The following PGR variants were observed in gnomAD, a reference collection of about 807,000 sequenced individuals.
The protein encoded by PGR is nuclear receptor subfamily 3 group C member 3.
In PGR, 25 loss-of-function variants were observed where a neutral mutation model predicts 76.1. That is an observed-to-expected ratio of 0.33 (90% CI 0.24 to 0.46). PGR has a LOEUF of 0.46. Ranked by LOEUF, PGR falls within the 20% of genes least tolerant of loss-of-function variation. PGR has a pLI of 1.00. For synonymous variants in PGR, 579 were observed against 535.0 expected (o/e 1.08, Z -1.14); for missense variants, 1,172 against 1,225.3 (o/e 0.96, Z 0.65).
rs1446822589 is a variant in PGR, at chr11:101,062,499, T to C, written c.2160A>G (p.Gln720=). The C allele has an allele frequency of 3.1e-6, 5 of 1,614,038 alleles. No individual in the cohort carries two copies. Among genetic ancestry groups the C allele is most frequent in the East Asian group, 2.2e-5 (1 of 44,882 alleles). ...TSSSLLTSLN[Q]LGERQLLSVV... Reference sequence around the variant, plus strand: ...CTGAAAGAAGTTGCCTCTCGCCTAGTTGATTAAGACTTGTCAGCAAAGAAC... The same window carrying C: ...CTGAAAGAAGTTGCCTCTCGCCTAGCTGATTAAGACTTGTCAGCAAAGAAC... The change falls in exon 4 of 8, where the codon CAA becomes CAG. Residue 720 remains glutamine, a synonymous_variant. Coordinates refer to ENST00000325455, the MANE Select transcript of PGR (RefSeq NM_000926.4).
chr11:101,105,272 T>C (rs1591418812), intron 2 of PGR, among the ~76,000 whole-genome samples: 1 of 152,222 alleles, frequency 6.6e-6, no homozygotes, highest in South Asian at 2.1e-4. Flanking sequence ...ATTTTAACAG[T>C]ATCACAATGG....
intron 2 of PGR, among the ~76,000 whole-genome samples, chr11:101,102,970 C>A (rs181631426): frequency 1.3e-5 from 2 of 151,842 alleles, no homozygotes; most frequent in African/African-American, 2.4e-5. Context: ...CCCTGGCACG[C>A]GCAGTTTGCA....
In PGR at chr11:101,128,237, G is replaced by A; in HGVS notation, c.834C>T (p.Pro278=). ...VPKEDSRFSA[P]RVALVEQDAP... is the part of the protein sequence containing the mutation. Reference sequence around the variant, plus strand: ...CGTCCTGCTCCACCAGGGCGACCCTGGGCGCTGAGAAGCGGGAATCTTCCT... The same window carrying A: ...CGTCCTGCTCCACCAGGGCGACCCTAGGCGCTGAGAAGCGGGAATCTTCCT... The change falls in exon 1 of 8, where the codon CCC becomes CCT. Residue 278 remains proline, a synonymous_variant. Coordinates refer to ENST00000325455, the MANE Select transcript of PGR (RefSeq NM_000926.4). 1 of 1,596,720 alleles carries A rather than the reference G, an allele frequency of 6.3e-7. No individual in the cohort carries two copies. Among genetic ancestry groups the A allele is most frequent in the Non-Finnish European group, 8.5e-7 (1 of 1,178,412 alleles).
intron 1 of PGR, chr11:101,126,970 C>T (rs557352693): frequency 6.6e-6 from 1 of 152,622 alleles, no homozygotes; most frequent in African/African-American, 2.4e-5. Context: ...CCCACCCCTC[C>T]CGGGGGAACG....
chr11:101,120,646 TTAACATACC>T (rs1272424539), intron 2 of PGR, among the ~76,000 whole-genome samples: 1 of 152,190 alleles, frequency 6.6e-6, no homozygotes, highest in Non-Finnish European at 1.5e-5. Flanking sequence ...CATTTATATA[TTAACATACC>T]CCAGAGAACA....
At chr11:101,041,788 AC>A in intron 7 of PGR, 156 bp downstream of exon 7, 7 of 645,170 alleles carry the variant, frequency 1.1e-5, no homozygotes, top group South Asian at 9.9e-5. Flanking sequence ...TGAAAAAAAA[AC>A]ACAATAAAAA....
At chr11:101,121,888 C>CGGGTG (rs1862689325) in intron 2 of PGR, among the ~76,000 whole-genome samples, 1 of 151,980 alleles carries the variant, frequency 6.6e-6, no homozygotes, top group Non-Finnish European at 1.5e-5. Flanking sequence ...GAGGACAGGC[C>CGGGTG]AGGTGTGGTG....
intron 2 of PGR, among the ~76,000 whole-genome samples, chr11:101,122,259 CAT>C (rs1273327567): frequency 4.6e-5 from 7 of 151,512 alleles, no homozygotes; most frequent in Admixed American, 2.6e-4. Context: ...TGTATTATAA[CAT>C]GTGTTTAATG....
intron 4 of PGR, among the ~76,000 whole-genome samples, chr11:101,059,221 G>T (rs1304026471): frequency 6.6e-6 from 1 of 151,724 alleles, no homozygotes; most frequent in Non-Finnish European, 1.5e-5. Context: ...GTCTCTGAAG[G>T]CTTCTTTAGT....
At chr11:101,072,730 G>A (rs1860985133) in intron 3 of PGR, among the ~76,000 whole-genome samples, 1 of 152,132 alleles carries the variant, frequency 6.6e-6, no homozygotes, top group Admixed American at 6.6e-5. Context: ...GACAAAGAAG[G>A]CCATTACATA....
In PGR at chr11:101,062,493, G is replaced by A. The variant is rs778694072; in HGVS notation, c.2166C>T (p.Gly722=). 36 of 1,613,844 alleles carry A rather than the reference G, an allele frequency of 2.2e-5. No individual in the cohort carries two copies. The highest frequency in any genetic ancestry group is 4.0e-5 in the African/African-American group (3 of 74,984). Residue 722 remains glycine (G), a synonymous_variant, in exon 4 of 8, where the codon GGC becomes GGT. Coordinates refer to ENST00000325455, the MANE Select transcript of PGR (RefSeq NM_000926.4). ...TGACTACTGAAAGAAGTTGCCTCTCGCCTAGTTGATTAAGACTTGTCAGCA... is the reference window on the plus strand; with the variant it reads ...TGACTACTGAAAGAAGTTGCCTCTCACCTAGTTGATTAAGACTTGTCAGCA... ...SSLLTSLNQL[G]ERQLLSVVKW... is the part of the protein sequence containing the mutation.
Position 101,128,874 on chromosome 11 carries a change from C to G in PGR, c.197G>C (p.Gly66Ala), listed in dbSNP as rs1391427840. ...CGTCTTTTCGTCGGAGGGGTCCTGT[C>G]CCTGGCAGGGCCGAGGGAAGAGTAG... ...DGLLFPRPCQ[G>A]QDPSDEKTQD... Residue 66 changes from glycine (G) to alanine (A), a missense_variant, in exon 1 of 8, where the codon GGA becomes GCA. Physicochemically the swap from Gly to Ala is moderately conservative, Grantham distance 60 (BLOSUM62 0). Around this residue, in one of 4 missense-constraint regions of PGR, gnomAD observed 893 missense variants for 785.9 expected, o/e 1.14. Transcript: ENST00000325455. 2 of 1,614,016 alleles carry G rather than the reference C, an allele frequency of 1.2e-6. No individual in the cohort carries two copies. The highest frequency in any genetic ancestry group is 2.7e-5 in the African/African-American group (2 of 74,960).
At chr11:101,056,187 C>T (rs1860283077) in intron 4 of PGR, among the ~76,000 whole-genome samples, 1 of 151,488 alleles carries the variant, frequency 6.6e-6, no homozygotes, top group South Asian at 2.1e-4. Flanking sequence ...GAAAAACCTT[C>T]ACATGGAGAA....
intron 7 of PGR, 101 bp from the exon 8 acceptor site, chr11:101,039,372 A>G (rs1267564295): frequency 1.1e-6 from 1 of 896,482 alleles, no homozygotes; most frequent in Non-Finnish European, 1.8e-6. Flanking sequence ...TATAATATAA[A>G]TACTTCTCAA....
intron 2 of PGR, among the ~76,000 whole-genome samples, chr11:101,120,154 C>T (rs900604850): frequency 6.6e-6 from 1 of 152,234 alleles, no homozygotes; most frequent in African/African-American, 2.4e-5. Context: ...ACGGCTCTGG[C>T]ATAACTTGTA....
At chr11:101,065,049 A>G (rs495997) in intron 3 of PGR, among the ~76,000 whole-genome samples, 67,630 of 152,010 alleles carry the variant, frequency 0.44, 16,016 homozygotes, top group East Asian at 0.98. Flanking sequence ...ATGATGTTCA[A>G]TGATGAAATT....
chr11:101,110,736 G>A (rs1862320028), intron 2 of PGR, among the ~76,000 whole-genome samples: 1 of 152,174 alleles, frequency 6.6e-6, no homozygotes, highest in Non-Finnish European at 1.5e-5. Context: ...GTAAAACACA[G>A]CATTGCATAC....
chr11:101,082,697 T>G (rs552769733), intron 3 of PGR, among the ~76,000 whole-genome samples: 55 of 152,292 alleles, frequency 3.6e-4, no homozygotes, highest in African/African-American at 1.3e-3. Context: ...TGGAAAAAAT[T>G]TCTAAGCAAC....
intron 3 of PGR, among the ~76,000 whole-genome samples, chr11:101,076,919 ATTTT>A (rs59106149): frequency 2.1e-4 from 14 of 65,156 alleles, no homozygotes; most frequent in Middle Eastern, 0.013. Flanking sequence ...TACAAATGGA[ATTTT>A]TTTTTTTTTT....
Sources: gnomAD v4.1 joint callset for allele counts (sites outside exome capture counted in the v4.1 genomes callset) on GRCh38, gnomAD v4.1.1 for gene constraint, gnomAD v4.1.1 regional missense constraint, MANE v1.5 for transcripts, NCBI Gene and HGNC (gene_info 2026-07-23, HGNC 2026-07-21) for gene names.